Variants in DMD observed in about 807,000 individuals in gnomAD.
DMD encodes the protein dystrophin, also known as mutant dystrophin.
DMD carries 63 observed loss-of-function variants against 330.1 expected under a neutral mutation model. That is an observed-to-expected ratio of 0.19 (90% confidence interval 0.16 to 0.24). The LOEUF (loss-of-function observed/expected upper bound fraction) is 0.24, where lower values mean the gene tolerates loss of function less well. Ranked by LOEUF, DMD falls within the 10% of genes least tolerant of loss-of-function variation. DMD has a pLI of 1.00. For synonymous variants in DMD, 1,223 were observed against 959.8 expected, an observed-to-expected ratio of 1.27 and a Z score of -5.07; for missense variants, 3,344 against 2,684.1, an observed-to-expected ratio of 1.25 and a Z score of -5.43.
At chrX:32,712,859 G>C (rs2065320019) in intron 7 of DMD, among the ~76,000 whole-genome samples, 1 of 111,085 alleles carries the variant, frequency 9.0e-6, no homozygotes, top group African/African-American at 3.3e-5. Flanking sequence ...TAATATTATT[G>C]TAATATTCTT....
At chrX:32,539,747 C>T (rs751465833) in intron 17 of DMD, among the ~76,000 whole-genome samples, 8 of 111,242 alleles carry the variant, frequency 7.2e-5, no homozygotes, top group Non-Finnish European at 1.3e-4. Context: ...GGACAGCAGC[C>T]ATAAAAAGAA....
At chrX:32,315,842 G>A (rs1002205120) in intron 41 of DMD, among the ~76,000 whole-genome samples, 12 of 111,681 alleles carry the variant, frequency 1.1e-4, no homozygotes, top group African/African-American at 3.2e-4. Context: ...GTGTTATGTG[G>A]CATCTATTTA....
At chrX:32,531,670 G>A (rs751484712) in intron 17 of DMD, among the ~76,000 whole-genome samples, 1 of 111,190 alleles carries the variant, frequency 9.0e-6, no homozygotes, top group Admixed American at 9.6e-5. Context: ...GAAGCACTGA[G>A]TCAAGACTCA....
chrX:32,052,610 A>G (rs1422620909), intron 44 of DMD, among the ~76,000 whole-genome samples: 3 of 111,780 alleles, frequency 2.7e-5, no homozygotes, highest in Admixed American at 1.9e-4. Context: ...TTGACTAATC[A>G]TACAAAAATC....
Position 31,781,180 on chromosome X carries a change from C to T in DMD, c.7310-6988G>A, listed in dbSNP as rs115639212. Among the ~76,000 whole-genome samples, 809 of 111,904 alleles carry T rather than the reference C, an allele frequency of 7.2e-3. 6 individuals are homozygous for T. Among genetic ancestry groups the T allele is most frequent in the African/African-American group, 0.025 (768 of 30,876 alleles). On this transcript the variant is annotated intron_variant, in intron 50 of 78. Transcript: ENST00000357033. The stretch of plus-strand genomic sequence containing the variant: ...TAAACCCTCTTTTATTTCACCTTTA[C>T]CAAACCATCTTCAGGGTAGATGTTA...
intron 7 of DMD, among the ~76,000 whole-genome samples, chrX:32,795,171 G>A (rs2076097227): frequency 9.1e-6 from 1 of 109,641 alleles, no homozygotes; most frequent in African/African-American, 3.5e-5. Flanking sequence ...TCAAAGACCA[G>A]CAGAGAGCCT....
intron 20 of DMD, among the ~76,000 whole-genome samples, chrX:32,491,019 A>G (rs903877843): frequency 8.9e-6 from 1 of 112,444 alleles, no homozygotes; most frequent in African/African-American, 3.2e-5. Flanking sequence ...CCACACTCCT[A>G]AACTGCCTCA....
At chrX:32,719,600 A>C (rs2066061261) in intron 7 of DMD, among the ~76,000 whole-genome samples, 1 of 111,862 alleles carries the variant, frequency 8.9e-6, no homozygotes, top group African/African-American at 3.2e-5. Flanking sequence ...GGAATAACAA[A>C]ATTTAATTCT....
chrX:31,275,164 TG>T (rs1299015943), intron 62 of DMD, among the ~76,000 whole-genome samples: 78 of 38,552 alleles, frequency 2.0e-3, no homozygotes, highest in Non-Finnish European at 4.1e-3. Context: ...TTTGTGTGTG[TG>T]TGTGTGTGTG....
At chrX:31,786,827 G>A (rs142425118) in intron 50 of DMD, among the ~76,000 whole-genome samples, 13 of 111,781 alleles carry the variant, frequency 1.2e-4, no homozygotes, top group African/African-American at 3.9e-4. Context: ...CCTGTCACAT[G>A]GGCTGAAGCC....
At chrX:32,384,993 C>T (rs2097948251) in intron 33 of DMD, among the ~76,000 whole-genome samples, 1 of 111,069 alleles carries the variant, frequency 9.0e-6, no homozygotes, top group South Asian at 3.7e-4. Flanking sequence ...AAGCAATTTA[C>T]AGACTTAATG....
intron 17 of DMD, among the ~76,000 whole-genome samples, chrX:32,542,226 C>T (rs112438121): frequency 1.3e-4 from 14 of 111,229 alleles, no homozygotes; most frequent in African/African-American, 4.2e-4. Context: ...GTCAGGAGCT[C>T]AAGACCAGCC....
intron 1 of DMD, among the ~76,000 whole-genome samples, chrX:33,100,561 C>T (rs909922407): frequency 9.1e-6 from 1 of 110,417 alleles, no homozygotes; most frequent in Non-Finnish European, 1.9e-5. Flanking sequence ...GATGGTGGCG[C>T]ATGCCTGTCA....
intron 1 of DMD, among the ~76,000 whole-genome samples, chrX:33,205,299 A>T (rs1198438549): frequency 8.9e-6 from 1 of 112,541 alleles, no homozygotes; most frequent in Non-Finnish European, 1.9e-5. Context: ...TTTCTAATAC[A>T]TCGTTCTTAA....
chrX:31,440,314 T>G (rs1287546449), intron 60 of DMD, among the ~76,000 whole-genome samples: 4 of 108,055 alleles, frequency 3.7e-5, no homozygotes, highest in Non-Finnish European at 7.6e-5. Context: ...ACCCAGCTAA[T>G]TTTTGTATTT....
At chrX:31,231,620 C>T (rs1256952105) in intron 63 of DMD, among the ~76,000 whole-genome samples, 1 of 112,667 alleles carries the variant, frequency 8.9e-6, no homozygotes, top group Non-Finnish European at 1.9e-5. Flanking sequence ...TGGCTCGCGC[C>T]TGTAATCCCA....
At chrX:32,368,072 T>C (rs2097860552) in intron 34 of DMD, among the ~76,000 whole-genome samples, 1 of 111,712 alleles carries the variant, frequency 9.0e-6, no homozygotes, top group African/African-American at 3.2e-5. Context: ...ATCAAAGATA[T>C]GACTTAAGAA....
chrX:31,901,674 G>A (rs2094424622), intron 47 of DMD, among the ~76,000 whole-genome samples: 1 of 111,181 alleles, frequency 9.0e-6, no homozygotes, highest in Non-Finnish European at 1.9e-5. Context: ...TTATTATTTT[G>A]TAGTCTATAA....
intron 1 of DMD, among the ~76,000 whole-genome samples, chrX:33,299,029 A>G (rs1039234538): frequency 2.7e-5 from 3 of 111,955 alleles, no homozygotes; most frequent in South Asian, 3.7e-4. Flanking sequence ...ATATTTCATA[A>G]TAGGTACAGA....
Sources: allele counts gnomAD v4.1 joint callset (sites outside exome capture counted in the v4.1 genomes callset), GRCh38; gene constraint gnomAD v4.1.1; transcripts MANE v1.5; gene names NCBI Gene and HGNC (gene_info 2026-07-23, HGNC 2026-07-21).